The following GPC6 variants were observed in gnomAD, a reference collection of about 807,000 sequenced individuals.
GPC6 encodes glypican-6.
GPC6 carries 14 observed loss-of-function variants against 55.2 expected under a neutral mutation model. The observed-to-expected ratio is 0.25, with a 90% confidence interval of 0.17 to 0.40. The LOEUF (loss-of-function observed/expected upper bound fraction) is 0.40. GPC6 is among the 10% of genes least tolerant of loss of function. GPC6 has a pLI of 1.00. For missense variants in GPC6, 641 were observed against 708.5 expected (o/e 0.90, Z 1.08); for synonymous variants, 278 against 259.6 (o/e 1.07, Z -0.68).
chr13:93,263,698 T>A (rs1594059658), intron 1 of GPC6, among the ~76,000 whole-genome samples: 1 of 105,392 alleles, frequency 9.5e-6, no homozygotes, highest in Non-Finnish European at 2.2e-5. Flanking sequence ...CTGCGACCAC[T>A]CTGTATTATT....
intron 4 of GPC6, among the ~76,000 whole-genome samples, chr13:94,181,341 A>G (rs1262010000): frequency 6.6e-6 from 1 of 151,740 alleles, no homozygotes; most frequent in African/African-American, 2.4e-5. Context: ...CTCTCTTTGT[A>G]CTCTTTCTCT....
At chr13:93,555,871 T>C (rs1265580200) in intron 2 of GPC6, among the ~76,000 whole-genome samples, 1 of 152,164 alleles carries the variant, frequency 6.6e-6, no homozygotes, top group Non-Finnish European at 1.5e-5. Flanking sequence ...AAGCGAGTGT[T>C]CTCTGCTCCA....
intron 4 of GPC6, among the ~76,000 whole-genome samples, chr13:94,165,346 AC>A (rs1351455718): frequency 6.6e-6 from 1 of 151,356 alleles, no homozygotes; most frequent in African/African-American, 2.4e-5. Flanking sequence ...ATTTGCAGTA[AC>A]CCTGATGGAA....
chr13:93,363,120 T>G (rs1881104245), intron 1 of GPC6, among the ~76,000 whole-genome samples: 1 of 144,288 alleles, frequency 6.9e-6, no homozygotes, highest in Non-Finnish European at 1.5e-5. Context: ...TTTTTTTGTT[T>G]TTTTTTTTGT....
chr13:94,118,576 T>C (rs1266068219), intron 4 of GPC6, among the ~76,000 whole-genome samples: 1 of 152,144 alleles, frequency 6.6e-6, no homozygotes, highest in South Asian at 2.1e-4. Context: ...CTTCTCTTTT[T>C]CTATTTGCCC....
At chr13:93,344,488 C>G (rs1180192221) in intron 1 of GPC6, among the ~76,000 whole-genome samples, 1 of 152,192 alleles carries the variant, frequency 6.6e-6, no homozygotes, top group East Asian at 1.9e-4. Context: ...TTTTCCAGGT[C>G]TCTGGTTTCA....
At chr13:94,200,693 A>G (rs977134352) in intron 4 of GPC6, among the ~76,000 whole-genome samples, 7 of 152,246 alleles carry the variant, frequency 4.6e-5, no homozygotes, top group Admixed American at 3.3e-4. Context: ...AATTAACTCA[A>G]TAGATGTTTG....
chr13:94,026,144 A>G (rs565673547), intron 3 of GPC6, among the ~76,000 whole-genome samples: 1 of 152,312 alleles, frequency 6.6e-6, no homozygotes, highest in East Asian at 1.9e-4. Context: ...ACTCAAAAGG[A>G]CAACTAGAAA....
chr13:93,449,609 C>T (rs1240417002), intron 1 of GPC6, among the ~76,000 whole-genome samples: 1 of 152,114 alleles, frequency 6.6e-6, no homozygotes, highest in African/African-American at 2.4e-5. Context: ...GGGTGGATCA[C>T]CTGAGGTCAG....
At chr13:93,740,071 C>G (rs1044390818) in intron 2 of GPC6, among the ~76,000 whole-genome samples, 4 of 152,054 alleles carry the variant, frequency 2.6e-5, no homozygotes, top group South Asian at 2.1e-4. Flanking sequence ...TTCACCATCC[C>G]CTTTCAATTA....
At chr13:93,664,923 T>C (rs1054762297) in intron 2 of GPC6, among the ~76,000 whole-genome samples, 4 of 152,224 alleles carry the variant, frequency 2.6e-5, no homozygotes, top group Admixed American at 6.5e-5. Context: ...CATTTTCAAC[T>C]GTCATATCAG....
intron 6 of GPC6, among the ~76,000 whole-genome samples, chr13:94,367,152 G>A (rs997960197): frequency 7.2e-5 from 11 of 152,290 alleles, no homozygotes; most frequent in East Asian, 3.9e-4. Flanking sequence ...CTCTAGAAGC[G>A]TTGGACTGAC....
chr13:93,391,756 C>G (rs1272485683), intron 1 of GPC6, among the ~76,000 whole-genome samples: 1 of 152,050 alleles, frequency 6.6e-6, no homozygotes, highest in Non-Finnish European at 1.5e-5. Context: ...GTGGCCTATA[C>G]TAAGGGGCAC....
At chr13:93,346,662 A>C (rs1880440929) in intron 1 of GPC6, among the ~76,000 whole-genome samples, 1 of 152,174 alleles carries the variant, frequency 6.6e-6, no homozygotes, top group Admixed American at 6.6e-5. Flanking sequence ...CCTATGTTTT[A>C]CTGGATTAGG....
chr13:93,820,725 T>C (rs1887016923), intron 2 of GPC6, among the ~76,000 whole-genome samples: 1 of 151,906 alleles, frequency 6.6e-6, no homozygotes, highest in Non-Finnish European at 1.5e-5. Flanking sequence ...ATGTCAGAGT[T>C]ACTGTGAGAT....
chr13:93,228,759 C>T (rs1406739980), intron 1 of GPC6, among the ~76,000 whole-genome samples: 1 of 152,198 alleles, frequency 6.6e-6, no homozygotes, highest in Non-Finnish European at 1.5e-5. Context: ...CAAGTCAAAA[C>T]GCTGAATTTC....
chr13:94,329,951 C>T (rs756835415), intron 6 of GPC6, among the ~76,000 whole-genome samples: 13 of 152,176 alleles, frequency 8.5e-5, no homozygotes, highest in African/African-American at 2.7e-4. Flanking sequence ...AGTGATTCAT[C>T]AAAGGAGCTG....
rs60206836 is a variant in GPC6, at chr13:94,351,962, C to CAAA, written c.1153-30434_1153-30432dup. 2.3e-4 allele frequency among the ~76,000 whole-genome samples: 23 copies of CAAA among 101,534 alleles called. 1 individual carries two copies. Among genetic ancestry groups the CAAA allele is most frequent in the African/African-American group, 8.9e-4 (21 of 23,532 alleles). 66.6% of individuals were successfully genotyped at this position (101,534 alleles called of 152,430 possible). On this transcript the variant is annotated intron_variant, in intron 6 of 8. Transcript: ENST00000377047. ...GGCAAGGAGAGGAGAGAGAAGAAGG[C>CAAA]AAAAAAAAAAAAAAAAAAAAGAAAA...
intron 3 of GPC6, among the ~76,000 whole-genome samples, chr13:93,845,751 T>C (rs866776986): frequency 1.4e-5 from 2 of 147,774 alleles, no homozygotes; most frequent in East Asian, 2.1e-4. Flanking sequence ...CCAAACACCG[T>C]ATATTCTCAC....
Sources: allele counts gnomAD v4.1 joint callset (sites outside exome capture counted in the v4.1 genomes callset), GRCh38; gene constraint gnomAD v4.1.1; transcripts MANE v1.5; gene names NCBI Gene and HGNC (gene_info 2026-07-23, HGNC 2026-07-21).